Variants in RIMS2 observed in about 807,000 individuals in gnomAD.
RIMS2 encodes regulating synaptic membrane exocytosis protein 2.
In RIMS2, 59 loss-of-function variants were observed where a neutral mutation model predicts 174.4. The ratio of observed to expected loss-of-function variants is 0.34; its 90% CI spans 0.27 to 0.42. The LOEUF is 0.42. Among genes scored for constraint, RIMS2 ranks in the 10% least tolerant of loss-of-function variants. RIMS2 has a pLI of 1.00. For missense variants in RIMS2, 1,620 were observed against 1,666.3 expected, an observed-to-expected ratio of 0.97 and a Z score of 0.48; for synonymous variants, 606 against 572.5, an observed-to-expected ratio of 1.06 and a Z score of -0.84.
chr8:104,012,064 A>G (rs567312929), intron 17 of RIMS2, among the ~76,000 whole-genome samples: 12 of 152,034 alleles, frequency 7.9e-5, no homozygotes, highest in Non-Finnish European at 1.6e-4. Context: ...GTAATTAAAT[A>G]TTTTTTATAT....
intron 3 of RIMS2, among the ~76,000 whole-genome samples, chr8:103,876,909 T>TATATATAC (rs71297243): frequency 2.0e-3 from 129 of 65,986 alleles, no homozygotes; most frequent in Middle Eastern, 0.012. Context: ...TATATATATA[T>TATATATAC]ACACACACAC....
chr8:103,666,086 G>C (rs1170781663), intron 1 of RIMS2, among the ~76,000 whole-genome samples: 1 of 152,162 alleles, frequency 6.6e-6, no homozygotes, highest in Non-Finnish European at 1.5e-5. Context: ...AACCAGAATA[G>C]ATTCAGAGAG....
chr8:104,126,596 T>A (rs1216379647), intron 19 of RIMS2, among the ~76,000 whole-genome samples: 1 of 152,114 alleles, frequency 6.6e-6, no homozygotes. Context: ...AACAGCAAAA[T>A]AGGAACAATT....
rs77415362 is a variant in RIMS2 at position 103,556,286 on chromosome 8, G to A, written c.176+55224G>A. On this transcript the variant is annotated intron_variant, in intron 1 of 23. Transcript: ENST00000504942. ...AATGTATACATATATCAAAACTTGT[G>A]CACCATGAATATATACAATTTATAC... Among the ~76,000 whole-genome samples, 1,080 of 152,054 alleles carry A rather than the reference G, an allele frequency of 7.1e-3. 21 individuals are homozygous for A. Among genetic ancestry groups the A allele is most frequent in the African/African-American group, 0.025 (1,019 of 41,470 alleles).
intron 3 of RIMS2, among the ~76,000 whole-genome samples, chr8:103,767,739 G>C (rs770680587): frequency 6.6e-6 from 1 of 152,138 alleles, no homozygotes; most frequent in East Asian, 1.9e-4. Flanking sequence ...TGGATCTTGA[G>C]AGAAAAAGAA....
At chr8:103,541,138 A>T (rs1038556362) in intron 1 of RIMS2, among the ~76,000 whole-genome samples, 5 of 152,196 alleles carry the variant, frequency 3.3e-5, no homozygotes, top group East Asian at 1.9e-4. Context: ...TAAATATCCA[A>T]TTACAGGAAG....
At chr8:103,815,735 A>G (rs1457729871) in intron 3 of RIMS2, among the ~76,000 whole-genome samples, 1 of 152,224 alleles carries the variant, frequency 6.6e-6, no homozygotes, top group Non-Finnish European at 1.5e-5. Context: ...AGCATGATAA[A>G]TAAAAGATAC....
intron 1 of RIMS2, among the ~76,000 whole-genome samples, chr8:103,618,237 C>T (rs2095551736): frequency 6.6e-6 from 1 of 152,034 alleles, no homozygotes. Context: ...AAGCCAAATA[C>T]CACATATTCT....
At chr8:103,821,203 C>T (rs2098749692) in intron 3 of RIMS2, among the ~76,000 whole-genome samples, 1 of 151,558 alleles carries the variant, frequency 6.6e-6, no homozygotes, top group South Asian at 2.1e-4. Context: ...TCACTGTGTA[C>T]TTGCTTTGGC....
intron 19 of RIMS2, among the ~76,000 whole-genome samples, chr8:104,186,024 A>G (rs1047680941): frequency 1.3e-5 from 2 of 151,610 alleles, no homozygotes; most frequent in Non-Finnish European, 3.0e-5. Context: ...ATATATATAC[A>G]TATATATATG....
intron 3 of RIMS2, among the ~76,000 whole-genome samples, chr8:103,792,104 T>A (rs987343923): frequency 5.9e-5 from 9 of 152,124 alleles, no homozygotes; most frequent in African/African-American, 2.2e-4. Flanking sequence ...CCACCCCAAA[T>A]CAACAGAATA....
intron 19 of RIMS2, among the ~76,000 whole-genome samples, chr8:104,024,350 T>G (rs1418702969): frequency 6.6e-6 from 1 of 152,186 alleles, no homozygotes; most frequent in Non-Finnish European, 1.5e-5. Context: ...TTATAAATCT[T>G]TTGTTAAAAC....
At chr8:103,546,070 T>A (rs1844924244) in intron 1 of RIMS2, among the ~76,000 whole-genome samples, 1 of 151,980 alleles carries the variant, frequency 6.6e-6, no homozygotes, top group Non-Finnish European at 1.5e-5. Context: ...ATGCCTCAGT[T>A]AAAAGGCACA....
intron 3 of RIMS2, among the ~76,000 whole-genome samples, chr8:103,781,900 A>C (rs1267788323): frequency 6.6e-6 from 1 of 151,684 alleles, no homozygotes; most frequent in Non-Finnish European, 1.5e-5. Context: ...GGTGTGTACC[A>C]CCATGCCCGG....
At chr8:103,816,208 C>G (rs2098717392) in intron 3 of RIMS2, among the ~76,000 whole-genome samples, 1 of 151,776 alleles carries the variant, frequency 6.6e-6, no homozygotes, top group African/African-American at 2.4e-5. Context: ...TATTTATGAC[C>G]CTTATAGAAG....
intron 19 of RIMS2, among the ~76,000 whole-genome samples, chr8:104,061,793 T>G (rs1029054706): frequency 3.3e-5 from 5 of 151,960 alleles, no homozygotes; most frequent in African/African-American, 9.7e-5. Context: ...AGATATACCA[T>G]TATGCAATTA....
At chr8:103,556,222 G>T (rs575088172) in intron 1 of RIMS2, among the ~76,000 whole-genome samples, 2 of 152,098 alleles carry the variant, frequency 1.3e-5, no homozygotes, top group Admixed American at 6.6e-5. Flanking sequence ...GATATATGAG[G>T]TAATGCATTT....
intron 3 of RIMS2, among the ~76,000 whole-genome samples, chr8:103,789,639 C>T (rs1015607750): frequency 6.6e-6 from 1 of 152,002 alleles, no homozygotes; most frequent in African/African-American, 2.4e-5. Flanking sequence ...TAGAATTCTG[C>T]TCACTTCAGA....
intron 14 of RIMS2, among the ~76,000 whole-genome samples, chr8:103,947,693 G>A (rs1565469214): frequency 6.6e-6 from 1 of 152,156 alleles, no homozygotes; most frequent in Admixed American, 6.5e-5. Context: ...GAGTCAATGA[G>A]CAACTTGGTA....
Sources: gnomAD v4.1 joint callset for allele counts (sites outside exome capture counted in the v4.1 genomes callset) on GRCh38, gnomAD v4.1.1 for gene constraint, MANE v1.5 for transcripts, NCBI Gene and HGNC (gene_info 2026-07-23, HGNC 2026-07-21) for gene names.